ATP8B1: variants seen among roughly 807,000 people sequenced by gnomAD.
The protein encoded by ATP8B1 is ATPase phospholipid transporting 8B1.
ATP8B1 carries 80 observed loss-of-function variants against 149.9 expected under a neutral mutation model. The observed-to-expected ratio is 0.53, with a 90% confidence interval of 0.45 to 0.64. The LOEUF is 0.64. Ranked by LOEUF, ATP8B1 falls within the 30% of genes least tolerant of loss-of-function variation. ATP8B1 has a pLI of 0.00. For synonymous variants in ATP8B1, 536 were observed against 562.8 expected (o/e 0.95, Z 0.67); for missense variants, 1,247 against 1,552.6 (o/e 0.80, Z 3.31).
intron 22 of ATP8B1, among the ~76,000 whole-genome samples, chr18:57,656,500 C>T (rs1440325715): frequency 2.0e-5 from 3 of 151,500 alleles, no homozygotes; most frequent in African/African-American, 4.9e-5. Context: ...ATACTCTTGC[C>T]TCAGCCTCTC....
intron 2 of ATP8B1, among the ~76,000 whole-genome samples, chr18:57,717,897 CA>C (rs1176310065): frequency 6.6e-6 from 1 of 151,322 alleles, no homozygotes; most frequent in East Asian, 1.9e-4. Flanking sequence ...AGGCATGTGC[CA>C]CCACACCTGG....
At position 57,668,180 on chromosome 18, in the gene ATP8B1, A is replaced by G. The variant is rs317845; in HGVS notation, c.2209+249T>C. ...CACGTCTGGCTGGAGAGATAAGACC[A>G]ATTATAATCAGCAAGACATGGCCAG... On this transcript the variant is annotated intron_variant, in intron 19 of 27. Transcript: ENST00000648908. 408,262 of 1,416,436 alleles carry G rather than the reference A, an allele frequency of 0.29. 63,358 individuals are homozygous for G. The highest frequency in any genetic ancestry group is 0.67 in the East Asian group (20,764 of 31,014). 87.7% of individuals were successfully genotyped at this position (1,416,436 alleles called of 1,614,324 possible).
At chr18:57,717,883 C>T (rs1165423023) in intron 2 of ATP8B1, among the ~76,000 whole-genome samples, 1 of 151,170 alleles carries the variant, frequency 6.6e-6, no homozygotes, top group Non-Finnish European at 1.5e-5. Flanking sequence ...GTAGCCAGGA[C>T]TATAGGCATG....
At chr18:57,691,778 A>C in intron 12 of ATP8B1, 29 bp downstream of exon 12, 1 of 1,612,918 alleles carries the variant, frequency 6.2e-7, no homozygotes, top group Non-Finnish European at 8.5e-7. Context: ...TCTTCCATTA[A>C]AGCAAAATGC....
intron 1 of ATP8B1, among the ~76,000 whole-genome samples, chr18:57,754,091 G>C (rs1178322544): frequency 6.6e-6 from 1 of 152,034 alleles, no homozygotes; most frequent in African/African-American, 2.4e-5. Flanking sequence ...TGGTTAAACA[G>C]GAATATTTAG....
intron 15 of ATP8B1, among the ~76,000 whole-genome samples, chr18:57,682,848 T>A (rs1266265523): frequency 6.6e-6 from 1 of 151,022 alleles, no homozygotes; most frequent in African/African-American, 2.4e-5. Context: ...GTGTTTTTTG[T>A]TTTTTTTTGA....
intron 1 of ATP8B1, among the ~76,000 whole-genome samples, chr18:57,758,136 A>G (rs8092950): frequency 0.45 from 68,329 of 151,780 alleles, 15,733 homozygotes; most frequent in Middle Eastern, 0.52. Context: ...TGAGATTATA[A>G]GCATGAGCCA....
At chr18:57,772,924 T>C (rs67785935) in intron 1 of ATP8B1, among the ~76,000 whole-genome samples, 79,013 of 151,950 alleles carry the variant, frequency 0.52, 20,840 homozygotes, top group Middle Eastern at 0.6. Flanking sequence ...CTCAACAACA[T>C]GAACTGTTTT....
intron 15 of ATP8B1, among the ~76,000 whole-genome samples, chr18:57,677,139 C>T (rs1008033628): frequency 3.3e-5 from 5 of 152,136 alleles, no homozygotes; most frequent in African/African-American, 9.7e-5. Context: ...CTGTGTTATT[C>T]GTAGTCAGGA....
At chr18:57,711,325 A>G (rs983044741) in intron 2 of ATP8B1, among the ~76,000 whole-genome samples, 29 of 152,216 alleles carry the variant, frequency 1.9e-4, no homozygotes, top group African/African-American at 6.5e-4. Context: ...AAAAAGAATG[A>G]GGTGACCCCA....
intron 16 of ATP8B1, 83 bp downstream of exon 16, chr18:57,674,751 C>G (rs1599101725): frequency 1.8e-5 from 27 of 1,494,938 alleles, no homozygotes; most frequent in Non-Finnish European, 1.9e-6. Context: ...TCACTGGCTG[C>G]TTTATCCTGA....
chr18:57,742,496 C>A (rs1050579144), intron 1 of ATP8B1, among the ~76,000 whole-genome samples: 1 of 151,508 alleles, frequency 6.6e-6, no homozygotes, highest in Non-Finnish European at 1.5e-5. Flanking sequence ...AGCTTCACCC[C>A]CTATTCCTCA....
rs1568189353 is a variant in ATP8B1, at chr18:57,672,922, ATATATAT to A, written c.1820-1349_1820-1343del. Among the ~76,000 whole-genome samples, 29 of 51,272 alleles carry A rather than the reference ATATATAT, an allele frequency of 5.7e-4. 1 individual carries two copies. The highest frequency in any genetic ancestry group is 2.4e-3 in the African/African-American group (28 of 11,782). 33.6% of individuals were successfully genotyped at this position (51,272 alleles called of 152,430 possible). On this transcript the variant is annotated intron_variant, in intron 16 of 27. Coordinates refer to ENST00000648908, the MANE Select transcript of ATP8B1 (RefSeq NM_001374385.1). ...TATATATATATATATATATATATATATATATATATAACATGTATATACACATATATAC... is the reference window on the plus strand; with the variant it reads ...TATATATATATATATATATATATATAATAACATGTATATACACATATATAC...
rs571678436 is a variant in ATP8B1 at position 57,662,397 on chromosome 18, A to G, written c.2418+86T>C. The G allele has an allele frequency of 8.4e-4, 1,287 of 1,536,234 alleles. 12 individuals are homozygous for G. The highest frequency in any genetic ancestry group is 5.9e-3 in the South Asian group (521 of 88,246). ...TAGGCTAAGAGACTTTTAGGTTGGC[A>G]GTTAACATGTGAAAGCATCTAAAAG... is the stretch of plus-strand genomic sequence containing the variant. On this transcript the variant is annotated intron_variant, in intron 21 of 27. Transcript: ENST00000648908.
At position 57,648,574 on chromosome 18, in the gene ATP8B1, C is replaced by A; in HGVS notation, c.3670G>T (p.Gly1224Trp). ...QRGYADLISS[G>W]RSIRKKRSPL... ...GAGCGCTTCTTGCGGATGCTGCGCC[C>A]GGAGGAGATGAGGTCCGCGTAGCCC... The change falls in exon 28 of 28, where the codon GGG (glycine) becomes TGG (tryptophan). Residue 1224 changes from glycine to tryptophan, a missense_variant. Transcript: ENST00000648908. The A allele has an allele frequency of 6.2e-7, 1 of 1,611,344 alleles. No individual in the cohort carries two copies. Among genetic ancestry groups the A allele is most frequent in the Non-Finnish European group, 8.5e-7 (1 of 1,179,928 alleles).
At chr18:57,679,685 G>A (rs1911826508) in intron 15 of ATP8B1, among the ~76,000 whole-genome samples, 1 of 152,062 alleles carries the variant, frequency 6.6e-6, no homozygotes, top group African/African-American at 2.4e-5. Flanking sequence ...TTCTTTTTGA[G>A]ATGGAGTCTC....
chr18:57,746,118 TG>T (rs1467663392), intron 1 of ATP8B1, among the ~76,000 whole-genome samples: 1 of 152,254 alleles, frequency 6.6e-6, no homozygotes, highest in Non-Finnish European at 1.5e-5. Flanking sequence ...ATAATATGAT[TG>T]TTTTTAGAAC....
chr18:57,661,863 C>A (rs181415816), intron 21 of ATP8B1, among the ~76,000 whole-genome samples: 2 of 151,620 alleles, frequency 1.3e-5, no homozygotes, highest in Non-Finnish European at 2.9e-5. Flanking sequence ...TACAGGTGTG[C>A]ACCACCACGC....
At position 57,654,089 on chromosome 18, in the gene ATP8B1, A is replaced by T. The variant is rs372066833; in HGVS notation, c.2932-14T>A. 30 of 1,606,806 alleles carry T rather than the reference A, an allele frequency of 1.9e-5. No individual in the cohort carries two copies. The highest frequency in any genetic ancestry group is 1.6e-4 in the Middle Eastern group (1 of 6,066). On this transcript the variant is annotated splice_polypyrimidine_tract_variant and intron_variant, in intron 23 of 27. Coordinates refer to ENST00000648908, the MANE Select transcript of ATP8B1 (RefSeq NM_001374385.1). ...CTCGTATGCAGTCTGTGAGGGGATGACAGAGGCTCCATGTCACCAACAAAG... is the reference window on the plus strand; with the variant it reads ...CTCGTATGCAGTCTGTGAGGGGATGTCAGAGGCTCCATGTCACCAACAAAG...
Sources: allele counts gnomAD v4.1 joint callset (sites outside exome capture counted in the v4.1 genomes callset), GRCh38; gene constraint gnomAD v4.1.1; transcripts MANE v1.5; gene names NCBI Gene and HGNC (gene_info 2026-07-23, HGNC 2026-07-21).